The following NAA11 variants were observed in gnomAD, a reference collection of about 807,000 sequenced individuals.
NAA11 encodes N-alpha-acetyltransferase 11.
Under a neutral mutation model 16.1 loss-of-function variants are expected in NAA11, and 15 were observed. The observed-to-expected ratio is 0.93, with a 90% CI of 0.62 to 1.44. The LOEUF is 1.44. Ranked by LOEUF, NAA11 falls within the 40% of genes most tolerant of loss-of-function variation. The probability of loss-of-function intolerance (pLI) is 0.00; values close to 1 mark genes in which losing one functional copy is unlikely to be tolerated. For missense variants in NAA11, 298 were observed against 291.3 expected (o/e 1.02, Z -0.17); for synonymous variants, 122 against 112.4 (o/e 1.09, Z -0.54).
the NAA11 span, among the ~76,000 whole-genome samples, chr4:79,173,230 C>T: frequency 1.3e-5 from 2 of 152,026 alleles, no homozygotes; most frequent in South Asian, 2.1e-4. Flanking sequence ...GGACAGGAAG[C>T]GTCAGTGGCT....
rs115987734 is a variant in NAA11 at position 79,300,819 on chromosome 4, G to A, written c.*13-6705C>T. ...TGGACATTAGAAAGGATAAGCTAGAGAGACGGATATTAAAATTAGAGAAGC... is the reference window on the plus strand; with the variant it reads ...TGGACATTAGAAAGGATAAGCTAGAAAGACGGATATTAAAATTAGAGAAGC... On this transcript the variant is annotated intron_variant and NMD_transcript_variant, in intron 1 of 2. Transcript: ENST00000511542. Among the ~76,000 whole-genome samples the A allele has an allele frequency of 7.1e-3, 1,087 of 152,266 alleles. 16 individuals are homozygous for A. Among genetic ancestry groups the A allele is most frequent in the African/African-American group, 0.025 (1,025 of 41,550 alleles).
At chr4:79,204,598 A>G in the NAA11 span, among the ~76,000 whole-genome samples, 1 of 138,738 alleles carries the variant, frequency 7.2e-6, no homozygotes, top group South Asian at 2.3e-4. Context: ...ATTTAGGTGT[A>G]TAAGTGGTTT....
chr4:79,231,545 C>A (rs1425713019), intron 2 of NAA11, among the ~76,000 whole-genome samples: 2 of 151,744 alleles, frequency 1.3e-5, no homozygotes, highest in Non-Finnish European at 2.9e-5. Flanking sequence ...TGAAACTGTG[C>A]CAACTTATAC....
chr4:79,215,222 A>T, the NAA11 span, among the ~76,000 whole-genome samples: 1 of 152,216 alleles, frequency 6.6e-6, no homozygotes, highest in Non-Finnish European at 1.5e-5. Context: ...ATAAGGATTA[A>T]TATGCCTTGT....
intron 2 of NAA11, among the ~76,000 whole-genome samples, chr4:79,244,306 T>G (rs190043431): frequency 6.9e-6 from 1 of 145,406 alleles, no homozygotes; most frequent in Admixed American, 7.0e-5. Flanking sequence ...GTCCCACCAG[T>G]CCGCTTCATT....
the NAA11 span, among the ~76,000 whole-genome samples, chr4:79,182,425 C>G: frequency 2.0e-5 from 3 of 152,114 alleles, no homozygotes; most frequent in Non-Finnish European, 2.9e-5. Flanking sequence ...TACATGTGAT[C>G]AGAAAGTGAA....
intron 2 of NAA11, among the ~76,000 whole-genome samples, chr4:79,262,020 A>G (rs1053811881): frequency 1.3e-5 from 2 of 152,146 alleles, no homozygotes; most frequent in Non-Finnish European, 2.9e-5. Flanking sequence ...AGAGAACTGG[A>G]TATCTGAGGA....
intron 2 of NAA11, among the ~76,000 whole-genome samples, chr4:79,256,651 A>ATATATATATATAT (rs1722113513): frequency 7.6e-6 from 1 of 130,768 alleles, no homozygotes; most frequent in African/African-American, 3.1e-5. Flanking sequence ...TATAAATATA[A>ATATATATATATAT]ATATATATAT....
the NAA11 span, among the ~76,000 whole-genome samples, chr4:79,190,435 A>G: frequency 6.9e-6 from 1 of 145,456 alleles, no homozygotes; most frequent in South Asian, 2.2e-4. Flanking sequence ...CATTTACCAC[A>G]TTTTGCTTCC....
the NAA11 span, among the ~76,000 whole-genome samples, chr4:79,169,588 C>A: frequency 7.3e-4 from 2 of 2,726 alleles, no homozygotes; most frequent in South Asian, 0.05. Context: ...GTCTTCATAC[C>A]TTATACAAAA....
intron 2 of NAA11, among the ~76,000 whole-genome samples, chr4:79,261,273 A>G (rs904590754): frequency 1.3e-5 from 2 of 152,182 alleles, no homozygotes; most frequent in African/African-American, 4.8e-5. Flanking sequence ...GGACAACATG[A>G]CTATCTTCCT....
chr4:79,235,107 G>T (rs1237224114), intron 2 of NAA11, among the ~76,000 whole-genome samples: 2 of 152,076 alleles, frequency 1.3e-5, no homozygotes, highest in Non-Finnish European at 2.9e-5. Flanking sequence ...CCAGTGCCTT[G>T]CCTGGACTGC....
At chr4:79,259,806 G>C (rs1175229561) in intron 2 of NAA11, among the ~76,000 whole-genome samples, 2 of 152,168 alleles carry the variant, frequency 1.3e-5, no homozygotes, top group Non-Finnish European at 2.9e-5. Flanking sequence ...AAAAGGCTTG[G>C]TGCAGATAGC....
the NAA11 span, among the ~76,000 whole-genome samples, chr4:79,201,056 A>G: frequency 6.6e-6 from 1 of 151,520 alleles, no homozygotes; most frequent in African/African-American, 2.4e-5. Context: ...TTTTTTCTTA[A>G]GATTCTTCAC....
In NAA11 at chr4:79,255,672, G is replaced by A. The variant is rs114110530; in HGVS notation, c.*123-29402C>T. ...ATGCAGGGCAGACAAGCCTCAAAGT[G>A]GAGTTTACCTGTGATGGTTCTTGGC... On this transcript the variant is annotated intron_variant and NMD_transcript_variant, in intron 2 of 2. Transcript: ENST00000511542. Among the ~76,000 whole-genome samples the A allele has an allele frequency of 7.4e-3, 1,132 of 152,262 alleles. 13 individuals carry two copies. Among genetic ancestry groups the A allele is most frequent in the African/African-American group, 0.026 (1,092 of 41,540 alleles).
chr4:79,233,587 A>G (rs1036491669), intron 2 of NAA11, among the ~76,000 whole-genome samples: 1 of 152,070 alleles, frequency 6.6e-6, no homozygotes, highest in Non-Finnish European at 1.5e-5. Context: ...GTACCCTGAA[A>G]GCAACCACAG....
chr4:79,199,938 AGGT>A, the NAA11 span, among the ~76,000 whole-genome samples: 2 of 151,928 alleles, frequency 1.3e-5, no homozygotes, highest in Admixed American at 1.3e-4. Context: ...TATTATGGTC[AGGT>A]GACCATGAAA....
the NAA11 span, among the ~76,000 whole-genome samples, chr4:79,194,388 A>G: frequency 1.3e-5 from 2 of 152,124 alleles, no homozygotes; most frequent in Non-Finnish European, 2.9e-5. Context: ...TGAAATAAGT[A>G]CAACATAGTG....
At chr4:79,267,575 T>G (rs1238401834) in intron 2 of NAA11, among the ~76,000 whole-genome samples, 6 of 152,126 alleles carry the variant, frequency 3.9e-5, no homozygotes, top group Non-Finnish European at 1.5e-5. Context: ...TAAAATCTTC[T>G]TTACAATGGA....
Sources: gnomAD v4.1 joint callset for allele counts (sites outside exome capture counted in the v4.1 genomes callset) on GRCh38, gnomAD v4.1.1 for gene constraint, MANE v1.5 for transcripts, NCBI Gene and HGNC (gene_info 2026-07-23, HGNC 2026-07-21) for gene names.